Variants in CAST observed in about 807,000 individuals in gnomAD.
CAST encodes the protein MIR583 host.
In CAST, 76 loss-of-function variants were observed where a neutral mutation model predicts 119.6. The observed-to-expected ratio is 0.64, with a 90% CI of 0.53 to 0.77. The LOEUF is 0.77. Ranked by LOEUF, CAST falls within the 30% of genes least tolerant of loss-of-function variation. CAST has a pLI of 0.00. For synonymous variants in CAST, 319 were observed against 331.6 expected (o/e 0.96, Z 0.41); for missense variants, 953 against 946.5 (o/e 1.01, Z -0.09).
At chr5:96,337,643 T>C in the CAST span, among the ~76,000 whole-genome samples, 44 of 152,308 alleles carry the variant, frequency 2.9e-4, no homozygotes, top group African/African-American at 1.1e-3. Flanking sequence ...CTGTGCACCA[T>C]GGTTATGATG....
At chr5:96,114,726 C>T in the CAST span, among the ~76,000 whole-genome samples, 2 of 152,170 alleles carry the variant, frequency 1.3e-5, no homozygotes, top group Admixed American at 6.5e-5. Flanking sequence ...CTGGGAGAAG[C>T]GTAATGGAGT....
the CAST span, among the ~76,000 whole-genome samples, chr5:96,453,160 C>T: frequency 6.6e-6 from 1 of 152,098 alleles, no homozygotes; most frequent in East Asian, 1.9e-4. Flanking sequence ...ATCCTTGAGT[C>T]ATGTTTCTGA....
At chr5:96,624,635 C>T (rs559059400) in intron 1 of CAST, among the ~76,000 whole-genome samples, 6 of 152,264 alleles carry the variant, frequency 3.9e-5, no homozygotes, top group East Asian at 1.9e-4. Flanking sequence ...GGCACTGTCA[C>T]GTGTCATGAG....
chr5:96,190,425 C>G, the CAST span, among the ~76,000 whole-genome samples: 1 of 152,172 alleles, frequency 6.6e-6, no homozygotes, highest in Admixed American at 6.5e-5. Flanking sequence ...CCTGCCCACT[C>G]TGTGCCAAGA....
chr5:96,520,087 T>C, the CAST span, among the ~76,000 whole-genome samples: 35 of 152,348 alleles, frequency 2.3e-4, 1 homozygote, highest in Admixed American at 1.2e-3. Context: ...GATCCCCTCC[T>C]AGTCTTCATA....
At chr5:96,366,020 C>A in the CAST span, among the ~76,000 whole-genome samples, 1 of 152,156 alleles carries the variant, frequency 6.6e-6, no homozygotes, top group Non-Finnish European at 1.5e-5. Flanking sequence ...TAGGGCAGGC[C>A]TGTTGGTGAC....
At chr5:96,160,152 A>T in the CAST span, among the ~76,000 whole-genome samples, 6 of 152,022 alleles carry the variant, frequency 3.9e-5, no homozygotes, top group Non-Finnish European at 8.8e-5. Flanking sequence ...AAGAAAAAAA[A>T]AAATGTAAAT....
intron 1 of CAST, among the ~76,000 whole-genome samples, chr5:96,536,232 G>A (rs930135537): frequency 2.6e-5 from 4 of 151,836 alleles, no homozygotes; most frequent in Non-Finnish European, 4.4e-5. Flanking sequence ...GGTGAGAGAC[G>A]CCTGTAATCC....
chr5:96,659,237 G>T (rs114664338), upstream of CAST, among the ~76,000 whole-genome samples: 1 of 152,228 alleles, frequency 6.6e-6, no homozygotes, highest in Non-Finnish European at 1.5e-5. Context: ...TAGACATGAG[G>T]TGAACACACA....
At chr5:96,418,752 C>T in the CAST span, among the ~76,000 whole-genome samples, 1 of 152,176 alleles carries the variant, frequency 6.6e-6, no homozygotes, top group Admixed American at 6.6e-5. Context: ...TTTTATTATA[C>T]CTTCTGATAA....
the CAST span, among the ~76,000 whole-genome samples, chr5:96,470,263 C>A: frequency 6.6e-6 from 1 of 151,554 alleles, no homozygotes; most frequent in South Asian, 2.1e-4. Context: ...AATATTGAAA[C>A]CACAGTTATA....
the CAST span, among the ~76,000 whole-genome samples, chr5:96,111,250 G>A: frequency 6.6e-6 from 1 of 152,160 alleles, no homozygotes; most frequent in Non-Finnish European, 1.5e-5. Flanking sequence ...AGATGAATAG[G>A]TTCATAGGAC....
At chr5:96,433,637 C>T in the CAST span, among the ~76,000 whole-genome samples, 2 of 152,138 alleles carry the variant, frequency 1.3e-5, no homozygotes, top group East Asian at 3.9e-4. Context: ...CTTATAATGG[C>T]CCTTTGGGCA....
At chr5:96,521,684 T>C (rs970641286), upstream of CAST, among the ~76,000 whole-genome samples, 2 of 152,196 alleles carry the variant, frequency 1.3e-5, no homozygotes, top group Admixed American at 1.3e-4. Context: ...TCTTGAAGGA[T>C]AAGAATTATA....
upstream of CAST, among the ~76,000 whole-genome samples, chr5:96,522,715 G>A (rs914408098): frequency 3.9e-5 from 6 of 152,032 alleles, no homozygotes; most frequent in Non-Finnish European, 8.8e-5. Flanking sequence ...ATTTCTGGAG[G>A]GTCCCCACAG....
At position 96,662,621 on chromosome 5, in the gene CAST, C is replaced by T. The variant is rs1047895791; in HGVS notation, c.75+124C>T. ...TGCAGTCCCCGGCGCCCCCGCGGGG[C>T]AGGGAGAGGGCTAGGGGCTTGGCCG... On this transcript the variant is annotated intron_variant, in intron 1 of 31. Coordinates refer to ENST00000675179, the MANE Select transcript of CAST (RefSeq NM_001750.7). 10 of 1,100,960 alleles carry T rather than the reference C, an allele frequency of 9.1e-6. No individual in the cohort carries two copies. In the African/African-American group the frequency reaches 1.7e-4, roughly 19 times the overall value. 68.2% of individuals were successfully genotyped at this position (1,100,960 alleles called of 1,614,324 possible). A position where few individuals can be genotyped will look rare whatever the true frequency, so the allele number is the denominator to read the frequency against.
At chr5:96,358,964 G>T in the CAST span, among the ~76,000 whole-genome samples, 1 of 152,032 alleles carries the variant, frequency 6.6e-6, no homozygotes, top group Non-Finnish European at 1.5e-5. Flanking sequence ...TTATTGTGTG[G>T]GAGCCTAAGT....
At chr5:96,665,876 GTATC>G (rs1749272960) in intron 1 of CAST, among the ~76,000 whole-genome samples, 1 of 152,134 alleles carries the variant, frequency 6.6e-6, no homozygotes, top group South Asian at 2.1e-4. Context: ...ATGTGTGTAT[GTATC>G]TACAGATATA....
chr5:96,310,284 C>G, the CAST span, among the ~76,000 whole-genome samples: 3 of 152,180 alleles, frequency 2.0e-5, no homozygotes, highest in Non-Finnish European at 4.4e-5. Context: ...ATAAGTCTCA[C>G]TTGATCATGG....
Sources: allele counts gnomAD v4.1 joint callset (sites outside exome capture counted in the v4.1 genomes callset), GRCh38; gene constraint gnomAD v4.1.1; transcripts MANE v1.5; gene names NCBI Gene and HGNC (gene_info 2026-07-23, HGNC 2026-07-21).